Variants in HECW1 observed in about 807,000 individuals in gnomAD.
HECW1 encodes HECT, C2 and WW domain containing E3 ubiquitin protein ligase 1, also known as E3 ubiquitin-protein ligase HECW1.
Under a neutral mutation model 182.3 loss-of-function variants are expected in HECW1, and 61 were observed. That is an observed-to-expected ratio of 0.33 (90% CI 0.27 to 0.41). HECW1 has a LOEUF of 0.41. Ranked by LOEUF, HECW1 falls within the 10% of genes least tolerant of loss-of-function variation. The pLI is 1.00. For missense variants in HECW1, 1,739 were observed against 2,108.9 expected (o/e 0.82, Z 3.44); for synonymous variants, 859 against 832.6 (o/e 1.03, Z -0.55).
chr7:43,190,029 A>C (rs1246813214), intron 2 of HECW1, among the ~76,000 whole-genome samples: 2 of 152,170 alleles, frequency 1.3e-5, no homozygotes, highest in Non-Finnish European at 2.9e-5. Context: ...AAGGCAAATA[A>C]ATGCTCTTTA....
At chr7:43,549,765 G>C (rs553996468) in intron 26 of HECW1, among the ~76,000 whole-genome samples, 1 of 152,246 alleles carries the variant, frequency 6.6e-6, no homozygotes, top group South Asian at 2.1e-4. Context: ...CCCTCTGCCA[G>C]AAGACCACTG....
At chr7:43,447,963 TA>T (rs879381446) in intron 11 of HECW1, among the ~76,000 whole-genome samples, 263 of 141,592 alleles carry the variant, frequency 1.9e-3, no homozygotes, top group Middle Eastern at 3.6e-3. Context: ...CTGTCTCTAC[TA>T]AAAAAAAAAA....
intron 3 of HECW1, among the ~76,000 whole-genome samples, chr7:43,247,879 A>T: frequency 9.3e-6 from 1 of 107,946 alleles, no homozygotes; most frequent in African/African-American, 7.4e-5. Flanking sequence ...AAAGCAAGCA[A>T]GAAAGGGAGG....
intron 3 of HECW1, among the ~76,000 whole-genome samples, chr7:43,271,415 G>A (rs867690593): frequency 5.9e-5 from 9 of 152,084 alleles, no homozygotes; most frequent in African/African-American, 9.7e-5. Context: ...AGAAGAAGTC[G>A]AACTCTTTCT....
At chr7:43,253,352 A>C (rs892193015) in intron 3 of HECW1, among the ~76,000 whole-genome samples, 2 of 152,154 alleles carry the variant, frequency 1.3e-5, no homozygotes, top group African/African-American at 4.8e-5. Context: ...GATGACGGTG[A>C]TGACCATGGT....
At chr7:43,371,981 C>T (rs575072676) in intron 6 of HECW1, among the ~76,000 whole-genome samples, 6 of 152,132 alleles carry the variant, frequency 3.9e-5, no homozygotes, top group South Asian at 2.1e-4. Flanking sequence ...CACCACGCCC[C>T]GCTAATTTTT....
chr7:43,483,800 C>G (rs1315429240), intron 17 of HECW1, among the ~76,000 whole-genome samples: 1 of 152,020 alleles, frequency 6.6e-6, no homozygotes, highest in East Asian at 1.9e-4. Flanking sequence ...CTGCCTGCCT[C>G]GGCCTCCCAA....
intron 2 of HECW1, among the ~76,000 whole-genome samples, chr7:43,179,827 T>C (rs7786298): frequency 0.36 from 54,688 of 152,046 alleles, 10,276 homozygotes; most frequent in African/African-American, 0.43. Flanking sequence ...AGTTCATTTT[T>C]GAAAACATGA....
At chr7:43,461,030 A>G (rs1041308941) in intron 13 of HECW1, among the ~76,000 whole-genome samples, 7 of 152,226 alleles carry the variant, frequency 4.6e-5, no homozygotes, top group African/African-American at 7.2e-5. Flanking sequence ...AGAGGCTACA[A>G]CTTGACATTT....
At chr7:43,302,804 G>A (rs1309629235) in intron 3 of HECW1, among the ~76,000 whole-genome samples, 3 of 152,132 alleles carry the variant, frequency 2.0e-5, no homozygotes, top group Non-Finnish European at 4.4e-5. Context: ...TTTCAATCAG[G>A]CTAGTGCCTT....
In HECW1 at chr7:43,445,009, C is replaced by G; in HGVS notation, c.1837C>G (p.Leu613Val). Reference sequence around the variant, plus strand: ...CACGGTGGCCGCTGACCCGTCTGCCCTGGAAGAGGACAGAGAAGAGCCCGA... The same window carrying G: ...CACGGTGGCCGCTGACCCGTCTGCCGTGGAAGAGGACAGAGAAGAGCCCGA... ...VDTVAADPSA[L>V]EEDREEPEGA... Residue 613 changes from leucine to valine, a missense_variant, in exon 11 of 30, where the codon CTG becomes GTG. Leu to Val is a conservative substitution (Grantham distance 32). Around this residue, in one of 5 missense-constraint regions of HECW1, gnomAD observed 971 missense variants for 1,029.1 expected, o/e 0.94. Coordinates refer to ENST00000395891, the MANE Select transcript of HECW1 (RefSeq NM_015052.5). 1.9e-6 allele frequency: 3 copies of G among 1,557,866 alleles called. No homozygotes were observed. The highest frequency in any genetic ancestry group is 2.6e-6 in the Non-Finnish European group (3 of 1,150,876).
chr7:43,297,733 A>G (rs909762581), intron 3 of HECW1, among the ~76,000 whole-genome samples: 2 of 152,192 alleles, frequency 1.3e-5, no homozygotes, highest in Non-Finnish European at 2.9e-5. Flanking sequence ...TTAAACATAT[A>G]TACAGTGGAG....
Position 43,444,746 on chromosome 7 carries a change from G to A in HECW1, c.1574G>A (p.Arg525Gln), listed in dbSNP as rs1303699849. Reference sequence around the variant, plus strand: ...CAGGGAGAGGGCAGGCTGCAGCTGCGGGCCTCGGTGAAGAGAAAAAGCAGG... The same window carrying A: ...CAGGGAGAGGGCAGGCTGCAGCTGCAGGCCTCGGTGAAGAGAAAAAGCAGG... ...LEQGEGRLQL[R>Q]ASVKRKSRPC... is the part of the protein sequence containing the mutation. The change falls in exon 11 of 30, where the codon CGG becomes CAG. Residue 525 changes from arginine to glutamine, a missense_variant. Transcript: ENST00000395891. This position sits in a 1 kb window ranked among gnomAD's most constrained non-coding sequence, Gnocchi z 4.3. The A allele has an allele frequency of 8.7e-6, 14 of 1,613,726 alleles. No homozygotes were observed. Among genetic ancestry groups the A allele is most frequent in the Non-Finnish European group, 1.1e-5 (13 of 1,179,850 alleles).
chr7:43,491,430 A>G (rs1279460819), intron 17 of HECW1, among the ~76,000 whole-genome samples: 4 of 152,210 alleles, frequency 2.6e-5, no homozygotes, highest in Non-Finnish European at 5.9e-5. Context: ...CTATTTAAAC[A>G]AGAAGTCCAT....
intron 3 of HECW1, among the ~76,000 whole-genome samples, chr7:43,285,622 C>A (rs1183414622): frequency 6.6e-6 from 1 of 152,050 alleles, no homozygotes; most frequent in African/African-American, 2.4e-5. Flanking sequence ...CCAGCCTGGG[C>A]AACATGGCAA....
chr7:43,208,505 G>T (rs1795698178), intron 2 of HECW1, among the ~76,000 whole-genome samples: 2 of 152,226 alleles, frequency 1.3e-5, no homozygotes, highest in Non-Finnish European at 1.5e-5. Flanking sequence ...TTCTATCACT[G>T]AGAGTCCCCA....
intron 2 of HECW1, among the ~76,000 whole-genome samples, chr7:43,127,092 G>A (rs1377449450): frequency 6.6e-6 from 1 of 152,190 alleles, no homozygotes; most frequent in East Asian, 1.9e-4. Flanking sequence ...CAAGCTTAGT[G>A]AGGACGGCAT....
At chr7:43,500,880 C>T (rs772499887) in intron 20 of HECW1, 98 bp downstream of exon 20, 94 of 1,005,976 alleles carry the variant, frequency 9.3e-5, no homozygotes, top group South Asian at 1.3e-4. Context: ...AAAAACTCAC[C>T]GCTTGTTCTA....
intron 19 of HECW1, among the ~76,000 whole-genome samples, chr7:43,494,959 A>G (rs918690052): frequency 2.0e-5 from 3 of 152,132 alleles, no homozygotes; most frequent in Non-Finnish European, 2.9e-5. Flanking sequence ...CTTTCCGGGA[A>G]TGACTTCCCT....
Sources: gnomAD v4.1 joint callset for allele counts (sites outside exome capture counted in the v4.1 genomes callset) on GRCh38, gnomAD v4.1.1 for gene constraint, gnomAD v4.1.1 regional missense constraint, Gnocchi (gnomAD v3.1) non-coding constraint, MANE v1.5 for transcripts, NCBI Gene and HGNC (gene_info 2026-07-23, HGNC 2026-07-21) for gene names.